The following ASTN2 variants were observed in gnomAD, a reference collection of about 807,000 sequenced individuals.
The protein encoded by ASTN2 is astrotactin-2.
In ASTN2, 54 loss-of-function variants were observed where a neutral mutation model predicts 139.8. The observed-to-expected ratio is 0.39, with a 90% confidence interval of 0.31 to 0.48. The LOEUF is 0.48. Among genes scored for constraint, ASTN2 ranks in the 20% least tolerant of loss-of-function variants. The pLI, the probability that ASTN2 is intolerant of heterozygous loss-of-function variation, is 0.95. For synonymous variants in ASTN2, 756 were observed against 719.5 expected (o/e 1.05, Z -0.81); for missense variants, 1,565 against 1,725.1 (o/e 0.91, Z 1.64).
intron 16 of ASTN2, among the ~76,000 whole-genome samples, chr9:116,688,588 T>C (rs1860395860): frequency 6.6e-6 from 1 of 152,140 alleles, no homozygotes; most frequent in African/African-American, 2.4e-5. Context: ...AAAGATCCGT[T>C]ATCATGAGGC....
At position 117,181,117 on chromosome 9, in the gene ASTN2, C is replaced by CA. The variant is rs1452188357; in HGVS notation, c.1015+33240dup. 1.0e-5 allele frequency: 9 copies of CA among 894,512 alleles called. No homozygotes were observed. The African/African-American group carries it at 1.5e-4, about 15-fold the overall frequency. 55.4% of individuals were successfully genotyped at this position (894,512 alleles called of 1,614,324 possible). On this transcript the variant is annotated intron_variant, in intron 3 of 22. Coordinates refer to ENST00000313400, the MANE Select transcript of ASTN2 (RefSeq NM_001365068.1). ...ACCCATACAACAAACAGGCTGCATA[C>CA]ACTACCAAGAAAGCTGCTGTTTGCA...
chr9:116,820,476 T>C, intron 12 of ASTN2, 141 bp downstream of exon 12: 2 of 1,134,838 alleles, frequency 1.8e-6, no homozygotes, highest in Non-Finnish European at 1.2e-6. Flanking sequence ...TTTTGGCTCT[T>C]GGACTAAAAC....
intron 3 of ASTN2, among the ~76,000 whole-genome samples, chr9:117,153,775 G>C (rs1391319227): frequency 2.0e-5 from 3 of 152,106 alleles, no homozygotes; most frequent in South Asian, 2.1e-4. Flanking sequence ...ACAATCACCT[G>C]AAACTAGAGG....
intron 16 of ASTN2, among the ~76,000 whole-genome samples, chr9:116,695,318 T>C (rs1050301153): frequency 1.3e-5 from 2 of 152,184 alleles, no homozygotes; most frequent in African/African-American, 4.8e-5. Context: ...AAAGTATCTG[T>C]CATAGTAACT....
intron 4 of ASTN2, among the ~76,000 whole-genome samples, chr9:117,126,923 G>A (rs1387929066): frequency 1.3e-5 from 2 of 152,182 alleles, no homozygotes; most frequent in African/African-American, 2.4e-5. Flanking sequence ...TAATGAAAGT[G>A]AGGTTGGAGA....
intron 11 of ASTN2, among the ~76,000 whole-genome samples, chr9:116,858,891 T>C (rs1163537648): frequency 7.2e-5 from 11 of 152,222 alleles, no homozygotes; most frequent in Admixed American, 6.5e-5. Context: ...TACTATGCAA[T>C]TGGTGGTTTA....
At chr9:116,959,435 C>T (rs146751215) in intron 10 of ASTN2, among the ~76,000 whole-genome samples, 1 of 152,240 alleles carries the variant, frequency 6.6e-6, no homozygotes, top group African/African-American at 2.4e-5. Flanking sequence ...GGGCTTTATC[C>T]TCATAGCAAC....
intron 10 of ASTN2, among the ~76,000 whole-genome samples, chr9:116,950,755 G>A (rs1026360849): frequency 6.6e-5 from 10 of 152,086 alleles, no homozygotes; most frequent in Admixed American, 2.6e-4. Flanking sequence ...GGGAAAATTA[G>A]GTTACTAATA....
At position 116,754,498 on chromosome 9, in the gene ASTN2, C is replaced by G. The variant is rs533971813; in HGVS notation, c.2397-20975G>C. Among the ~76,000 whole-genome samples the G allele has an allele frequency of 6.6e-5, 10 of 152,306 alleles. No individual in the cohort carries two copies. In the South Asian group the frequency reaches 2.1e-3, roughly 32 times the overall value. On this transcript the variant is annotated intron_variant, in intron 13 of 22. Coordinates refer to ENST00000313400, the MANE Select transcript of ASTN2 (RefSeq NM_001365068.1). ...CTGTTTCCTGTCTTTTTAATGATTGCCATTCTAACTGGTGTGATGTCCACC... is the reference window on the plus strand; with the variant it reads ...CTGTTTCCTGTCTTTTTAATGATTGGCATTCTAACTGGTGTGATGTCCACC...
intron 13 of ASTN2, among the ~76,000 whole-genome samples, chr9:116,794,283 A>G (rs1830632552): frequency 6.6e-6 from 1 of 151,350 alleles, no homozygotes; most frequent in African/African-American, 2.5e-5. Flanking sequence ...TTTTTAGTAG[A>G]GATGGGATTT....
intron 2 of ASTN2, among the ~76,000 whole-genome samples, chr9:117,219,102 T>C (rs1263292774): frequency 1.3e-5 from 2 of 152,262 alleles, no homozygotes; most frequent in Non-Finnish European, 2.9e-5. Context: ...AAGAGAACCA[T>C]CTGGCTGCTT....
intron 3 of ASTN2, among the ~76,000 whole-genome samples, chr9:117,175,204 G>C (rs1830887469): frequency 6.6e-6 from 1 of 152,084 alleles, no homozygotes; most frequent in African/African-American, 2.4e-5. Context: ...ATTTGCAACA[G>C]TTGCAGAAAT....
intron 10 of ASTN2, among the ~76,000 whole-genome samples, chr9:116,972,412 T>C (rs957212324): frequency 6.6e-6 from 1 of 152,180 alleles, no homozygotes; most frequent in Non-Finnish European, 1.5e-5. Flanking sequence ...TTTTTTTTTC[T>C]AGCTTTCTAG....
In ASTN2 at chr9:116,733,444, G is replaced by A. The variant is rs916163849; in HGVS notation, c.2476C>T (p.Arg826Trp). 1.6e-5 allele frequency: 26 copies of A among 1,613,996 alleles called. No individual in the cohort carries two copies. The highest frequency in any genetic ancestry group is 2.2e-5 in the East Asian group (1 of 44,880). The change falls in exon 14 of 23, where the codon CGG becomes TGG. Residue 826 changes from arginine to tryptophan, a missense_variant. Arg to Trp is a moderately radical substitution (Grantham distance 101). This residue lies in a region of ASTN2 where 503 missense variants were observed against 591.7 expected (regional missense o/e 0.85). Transcript: ENST00000313400. ...VIPLPVEEQCRGVLSEPLPDL... is the reference protein window; with the variant it reads ...VIPLPVEEQCWGVLSEPLPDL... Reference sequence around the variant, plus strand: ...GGAAGGGGCTCGGAGAGGACCCCCCGGCACTGCTCCTCCACCGGCAGCGGG... The same window carrying A: ...GGAAGGGGCTCGGAGAGGACCCCCCAGCACTGCTCCTCCACCGGCAGCGGG...
intron 14 of ASTN2, among the ~76,000 whole-genome samples, chr9:116,730,072 C>T (rs1828736560): frequency 6.6e-6 from 1 of 152,128 alleles, no homozygotes; most frequent in African/African-American, 2.4e-5. Flanking sequence ...AATTTTCTAC[C>T]CTAAGCTTTG....
rs973518281 is a variant in ASTN2 at position 116,988,580 on chromosome 9, C to T, written c.1592-11795G>A. Among the ~76,000 whole-genome samples, 12 of 152,158 alleles carry T rather than the reference C, an allele frequency of 7.9e-5. 1 individual carries two copies. In the East Asian group the frequency reaches 9.7e-4, roughly 12 times the overall value. Reference sequence around the variant, plus strand: ...ATTTTATACAGGAGGAAACTGAAGCCGCAAAGTGTTAAATGACTTGACCTC... The same window carrying T: ...ATTTTATACAGGAGGAAACTGAAGCTGCAAAGTGTTAAATGACTTGACCTC... On this transcript the variant is annotated intron_variant, in intron 7 of 22. Coordinates refer to ENST00000313400, the MANE Select transcript of ASTN2 (RefSeq NM_001365068.1).
chr9:116,765,948 G>GGGAA (rs1382729577), intron 13 of ASTN2, among the ~76,000 whole-genome samples: 5 of 152,122 alleles, frequency 3.3e-5, no homozygotes, highest in Non-Finnish European at 1.5e-5. Flanking sequence ...TATTGGGGGA[G>GGGAA]GGAATAAGCG....
At chr9:117,144,675 T>G (rs1476097451) in intron 3 of ASTN2, among the ~76,000 whole-genome samples, 8 of 23,348 alleles carry the variant, frequency 3.4e-4, no homozygotes, top group Admixed American at 1.1e-3. Context: ...TTTTTTTTTT[T>G]TTTTTTTTTT....
At chr9:116,534,949 T>A (rs935281985) in intron 19 of ASTN2, among the ~76,000 whole-genome samples, 37 of 152,332 alleles carry the variant, frequency 2.4e-4, no homozygotes, top group African/African-American at 8.9e-4. Flanking sequence ...CTGTCTAATG[T>A]TGACAGTGGG....
Sources: allele counts gnomAD v4.1 joint callset (sites outside exome capture counted in the v4.1 genomes callset), GRCh38; gene constraint gnomAD v4.1.1; regional missense constraint gnomAD v4.1.1; transcripts MANE v1.5; gene names NCBI Gene and HGNC (gene_info 2026-07-23, HGNC 2026-07-21).